The following MAP1A variants were observed in gnomAD, a reference collection of about 807,000 sequenced individuals.
MAP1A encodes microtubule-associated protein 1A.
In MAP1A, 42 loss-of-function variants were observed where a neutral mutation model predicts 185.9. The observed-to-expected ratio is 0.23, with a 90% CI of 0.18 to 0.29. The LOEUF (loss-of-function observed/expected upper bound fraction) is 0.29. Among genes scored for constraint, MAP1A ranks in the 10% least tolerant of loss-of-function variants. The pLI, the probability that MAP1A is intolerant of heterozygous loss-of-function variation, is 1.00. For synonymous variants in MAP1A, 1,229 were observed against 1,335.9 expected (o/e 0.92, Z 1.74); for missense variants, 2,995 against 3,450.4 (o/e 0.87, Z 3.31).
At chr15:43,518,282 C>G (rs1227074018) in intron 1 of MAP1A, among the ~76,000 whole-genome samples, 1 of 152,088 alleles carries the variant, frequency 6.6e-6, no homozygotes, top group African/African-American at 2.4e-5. Context: ...ACCCTATTCC[C>G]TGCGGCTAGC....
Position 43,530,051 on chromosome 15 carries a change from A to C in MAP1A, c.8257-18A>C. ...CCCTTTATGTTCTCACATCAGACAT[A>C]TCTTATCTCCCTTCTAGGTGACTCT... On this transcript the variant is annotated intron_variant, in intron 5 of 5. Transcript: ENST00000300231. 1 of 1,613,530 alleles carries C rather than the reference A, an allele frequency of 6.2e-7. No homozygotes were observed. The highest frequency in any genetic ancestry group is 8.5e-7 in the Non-Finnish European group (1 of 1,179,576).
chr15:43,518,711 C>A (rs556824429), intron 1 of MAP1A, among the ~76,000 whole-genome samples: 46 of 130,478 alleles, frequency 3.5e-4, no homozygotes, highest in African/African-American at 1.0e-3. Context: ...GCAGCCCACC[C>A]CCCCCCGCAA....
Position 43,529,170 on chromosome 15 carries a change from C to T in MAP1A, c.7697C>T (p.Pro2566Leu). ...CATGACCCACCTCCTCTCCCACAGC[C>T]AGACCCCCGCCCATCCCCTCCCCGC... ...PGHDPPPLPQ[P>L]DPRPSPPRPD... is the part of the protein sequence containing the mutation. Residue 2566 changes from proline (P) to leucine (L), a missense_variant, in exon 4 of 6, where the codon CCA (proline) becomes CTA (leucine). This residue lies in a region of MAP1A where 2,728 missense variants were observed against 2,986.0 expected (regional missense o/e 0.91). Coordinates refer to ENST00000300231, the MANE Select transcript of MAP1A (RefSeq NM_002373.6). The surrounding 1 kb of genome is among the most constrained non-coding windows in gnomAD (Gnocchi z 4.3). 4 of 1,612,818 alleles carry T rather than the reference C, an allele frequency of 2.5e-6. No individual in the cohort carries two copies. The highest frequency in any genetic ancestry group is 1.1e-5 in the South Asian group (1 of 91,010).
chr15:43,527,685 A>G lies in MAP1A; in HGVS notation c.6212A>G (p.Lys2071Arg). Residue 2071 changes from lysine (K) to arginine (R), a missense_variant, in exon 4 of 6, where the codon AAA becomes AGA. Physicochemically the swap from Lys to Arg is conservative, Grantham distance 26. Coordinates refer to ENST00000300231, the MANE Select transcript of MAP1A (RefSeq NM_002373.6). ...CCCCCCCGTGCTCCTATCCTGAGCA[A>G]AGGCCCAAGCCCCCCTCTTAATGGT... ...AVPPRAPILS[K>R]GPSPPLNGNI... 3 of 1,535,584 alleles carry G rather than the reference A, an allele frequency of 2.0e-6. No homozygotes were observed. Among genetic ancestry groups the G allele is most frequent in the Non-Finnish European group, 2.6e-6 (3 of 1,133,752 alleles).
chr15:43,521,929 C>T lies in MAP1A; in HGVS notation c.456C>T (p.Ala152=), dbSNP rs748623059. The T allele has an allele frequency of 7.4e-6, 12 of 1,614,056 alleles. No individual in the cohort carries two copies. The highest frequency in any genetic ancestry group is 1.7e-5 in the Admixed American group (1 of 60,000). ...KLRLPDASRK[A]KRSIEEACLT... is the part of the protein sequence containing the mutation. ...GGCTTCCTGATGCCTCCCGGAAAGC[C>T]AAGCGTAGCATTGAGGAGGCCTGCC... The change falls in exon 4 of 6, where the codon GCC becomes GCT. Residue 152 remains alanine (A), a synonymous_variant. Coordinates refer to ENST00000300231, the MANE Select transcript of MAP1A (RefSeq NM_002373.6). The surrounding 1 kb of genome is among the most constrained non-coding windows in gnomAD (Gnocchi z 4.6).
rs374833932 is a variant in MAP1A, at chr15:43,527,836, G to A, written c.6363G>A (p.Glu2121=). Reference sequence around the variant, plus strand: ...GGGCTCGGGAACAGCCAGAAAAAGAGGCCCAATCCCCAAGTCCTCCTCACC... The same window carrying A: ...GGGCTCGGGAACAGCCAGAAAAAGAAGCCCAATCCCCAAGTCCTCCTCACC... The part of the protein sequence containing the change: ...EKGAREQPEK[E]AQSPSPPHPI... Residue 2121 remains glutamate (E), a synonymous_variant, in exon 4 of 6, where the codon GAG becomes GAA. Coordinates refer to ENST00000300231, the MANE Select transcript of MAP1A (RefSeq NM_002373.6). 25 of 1,613,868 alleles carry A rather than the reference G, an allele frequency of 1.5e-5. No homozygotes were observed. The highest frequency in any genetic ancestry group is 2.1e-5 in the Non-Finnish European group (25 of 1,179,940).
rs867299864 is a variant in MAP1A at position 43,525,650 on chromosome 15, G to C, written c.4177G>C (p.Ala1393Pro). 9.3e-6 allele frequency: 15 copies of C among 1,614,138 alleles called. No individual in the cohort carries two copies. Among genetic ancestry groups the C allele is most frequent in the Middle Eastern group, 1.6e-4 (1 of 6,062 alleles). ...TACAGCCATCTATCAGAAAGATGAG[G>C]CTCTGCATGTAAAGAATGAGGCTGT... ...KDTAIYQKDE[A>P]LHVKNEAVKQ... is the part of the protein sequence containing the mutation. The change falls in exon 4 of 6, where the codon GCT (alanine) becomes CCT (proline). Residue 1393 changes from alanine to proline, a missense_variant. Physicochemically the swap from Ala to Pro is conservative, Grantham distance 27. Around this residue, in one of 3 missense-constraint regions of MAP1A, gnomAD observed 2,728 missense variants for 2,986.0 expected, o/e 0.91. Coordinates refer to ENST00000300231, the MANE Select transcript of MAP1A (RefSeq NM_002373.6).
At chr15:43,511,232 C>A in intron 1 of MAP1A, 1 of 1,547,692 alleles carries the variant, frequency 6.5e-7, no homozygotes. Context: ...ACAAGGTGAG[C>A]CACTGTTCTG....
chr15:43,530,347 T>C lies in MAP1A; in HGVS notation c.*123T>C. Reference sequence around the variant, plus strand: ...GGGAGGGGAGGGAGATGTCTTGTTGTGGGGACTTGGGCTGGGCTAAATGGG... The same window carrying C: ...GGGAGGGGAGGGAGATGTCTTGTTGCGGGGACTTGGGCTGGGCTAAATGGG... On this transcript the variant is annotated 3_prime_UTR_variant, in exon 6 of 6. Coordinates refer to ENST00000300231, the MANE Select transcript of MAP1A (RefSeq NM_002373.6). 7.8e-7 allele frequency: 1 copy of C among 1,279,722 alleles called. No individual in the cohort carries two copies. Among genetic ancestry groups the C allele is most frequent in the African/African-American group, 1.5e-5 (1 of 67,554 alleles). 79.3% of individuals were successfully genotyped at this position (1,279,722 alleles called of 1,614,324 possible). A position where few individuals can be genotyped will look rare whatever the true frequency, so the allele number is the denominator to read the frequency against.
chr15:43,521,572 C>T lies in MAP1A; in HGVS notation c.99C>T (p.Leu33=). Residue 33 remains leucine (L), a synonymous_variant, in exon 4 of 6, where the codon CTC becomes CTT. Coordinates refer to ENST00000300231, the MANE Select transcript of MAP1A (RefSeq NM_002373.6). This position sits in a 1 kb window ranked among gnomAD's most constrained non-coding sequence, Gnocchi z 4.6. Reference sequence around the variant, plus strand: ...AGCCCCCCACCTCAGGGGGCTTCCTCAAGCTCTCCAAGCCTTGTTGCTACA... The same window carrying T: ...AGCCCCCCACCTCAGGGGGCTTCCTTAAGCTCTCCAAGCCTTGTTGCTACA... ...LLEPPTSGGF[L]KLSKPCCYIF... is the part of the protein sequence containing the mutation. 6.2e-7 allele frequency: 1 copy of T among 1,614,138 alleles called. No homozygotes were observed. Among genetic ancestry groups the T allele is most frequent in the Non-Finnish European group, 8.5e-7 (1 of 1,179,996 alleles).
At position 43,530,660 on chromosome 15, in the gene MAP1A, G is replaced by A. The variant is rs2079368308; in HGVS notation, c.*436G>A. On this transcript the variant is annotated 3_prime_UTR_variant, in exon 6 of 6. Coordinates refer to ENST00000300231, the MANE Select transcript of MAP1A (RefSeq NM_002373.6). ...TTCCAATAGTAATTTATGTGACCTGGGGCAGGATACCGTCAGTGAGGTGCC... is the reference window on the plus strand; with the variant it reads ...TTCCAATAGTAATTTATGTGACCTGAGGCAGGATACCGTCAGTGAGGTGCC... 2 of 182,572 alleles carry A rather than the reference G, an allele frequency of 1.1e-5. No individual in the cohort carries two copies. The highest frequency in any genetic ancestry group is 2.3e-5 in the Non-Finnish European group (2 of 85,710). The allele number at this position is 182,572 out of a possible 1,614,324, so 11.3% of individuals were successfully genotyped here.
At chr15:43,511,178 A>G (rs1351804395) in exon 1 of MAP1A, 17 of 1,550,464 alleles carry the variant, frequency 1.1e-5, no homozygotes, top group East Asian at 9.8e-5. Context: ...GATCGGCGAT[A>G]TCGGTACAGA....
chr15:43,526,133 AAAT>A lies in MAP1A; in HGVS notation c.4662_4664del (p.Lys1554_Tyr1555delinsAsn). 1 of 1,614,058 alleles carries A rather than the reference AAAT, an allele frequency of 6.2e-7. No homozygotes were observed. On this transcript the variant is annotated inframe_deletion, in exon 4 of 6. Coordinates refer to ENST00000300231, the MANE Select transcript of MAP1A (RefSeq NM_002373.6). This position sits in a 1 kb window ranked among gnomAD's most constrained non-coding sequence, Gnocchi z 4.7. ...AAAGAAGGATCAGGCCTTAGAACAA[AAAT>A]ACTGGGCTTTGGGACAGAAGGATGA...
rs190928447 is a variant in MAP1A, at chr15:43,511,744, G to A, written c.239-446G>A. Among the ~76,000 whole-genome samples the A allele has an allele frequency of 8.7e-4, 133 of 152,314 alleles. 2 individuals are homozygous for A. In the East Asian group the frequency reaches 0.016, roughly 18 times the overall value. Reference sequence around the variant, plus strand: ...GCTGTGCCTGTGGCTGTGGTGCAGTGCTGCGGAGCCACCTGCGGGTGGAAG... The same window carrying A: ...GCTGTGCCTGTGGCTGTGGTGCAGTACTGCGGAGCCACCTGCGGGTGGAAG... On this transcript the variant is annotated intron_variant, in intron 1 of 6. Transcript: ENST00000382031.
Position 43,525,728 on chromosome 15 carries a change from G to A in MAP1A, c.4255G>A (p.Asp1419Asn). 6.2e-7 allele frequency: 1 copy of A among 1,614,170 alleles called. No individual in the cohort carries two copies. Among genetic ancestry groups the A allele is most frequent in the Non-Finnish European group, 8.5e-7 (1 of 1,180,042 alleles). The change falls in exon 4 of 6, where the codon GAC becomes AAC. Residue 1419 changes from aspartate to asparagine, a missense_variant. Physicochemically the swap from Asp to Asn is conservative, Grantham distance 23 (BLOSUM62 1). This residue lies in a region of MAP1A where 2,728 missense variants were observed against 2,986.0 expected (regional missense o/e 0.91). Coordinates refer to ENST00000300231, the MANE Select transcript of MAP1A (RefSeq NM_002373.6). ...EQKGRDLEQK[D>N]TALEQKDKAL... ...AAAGGGCAGAGACTTAGAGCAAAAA[G>A]ACACAGCCCTAGAACAGAAGGACAA... is the stretch of plus-strand genomic sequence containing the variant.
In MAP1A at chr15:43,530,470, A is replaced by G. The variant is rs2079367436; in HGVS notation, c.*246A>G. The G allele has an allele frequency of 9.6e-6, 5 of 520,324 alleles. No individual in the cohort carries two copies. The highest frequency in any genetic ancestry group is 1.7e-5 in the Non-Finnish European group (5 of 289,776). 32.2% of individuals were successfully genotyped at this position (520,324 alleles called of 1,614,324 possible). ...AGGGGACAAATTAGAATAGGATAGC[A>G]TCTGATGCCTGAGAACCCTCTCCTA... On this transcript the variant is annotated 3_prime_UTR_variant, in exon 6 of 6. Transcript: ENST00000300231.
Position 43,526,117 on chromosome 15 carries a change from T to C in MAP1A, c.4644T>C (p.Asp1548=), listed in dbSNP as rs766568115. 1.3e-5 allele frequency: 21 copies of C among 1,613,810 alleles called. No homozygotes were observed. The highest frequency in any genetic ancestry group is 1.7e-5 in the Non-Finnish European group (20 of 1,180,008). ...EQKDKVSEKK[D]QALEQKYWAL... ...AGGATAAAGTCTCAGAAAAGAAGGA[T>C]CAGGCCTTAGAACAAAAATACTGGG... is the stretch of plus-strand genomic sequence containing the variant. Residue 1548 remains aspartate (D), a synonymous_variant, in exon 4 of 6, where the codon GAT becomes GAC. Coordinates refer to ENST00000300231, the MANE Select transcript of MAP1A (RefSeq NM_002373.6). The surrounding 1 kb of genome is among the most constrained non-coding windows in gnomAD (Gnocchi z 4.7).
chr15:43,514,020 G>A (rs1254330455), upstream of MAP1A, among the ~76,000 whole-genome samples: 1 of 152,180 alleles, frequency 6.6e-6, no homozygotes, highest in Non-Finnish European at 1.5e-5. Flanking sequence ...TTAAACCAAA[G>A]TACTTAGCCA....
chr15:43,529,579 T>C lies in MAP1A; in HGVS notation c.8035+71T>C. On this transcript the variant is annotated intron_variant, in intron 4 of 5. Transcript: ENST00000300231. This position sits in a 1 kb window ranked among gnomAD's most constrained non-coding sequence, Gnocchi z 4.3. Reference sequence around the variant, plus strand: ...GTGTGGGCTGGTCAGACTTCAGGAGTGGGACAGAGGGGAAGGTTGCCAAAA... The same window carrying C: ...GTGTGGGCTGGTCAGACTTCAGGAGCGGGACAGAGGGGAAGGTTGCCAAAA... 6.2e-7 allele frequency: 1 copy of C among 1,603,732 alleles called. No individual in the cohort carries two copies. Among genetic ancestry groups the C allele is most frequent in the Non-Finnish European group, 8.5e-7 (1 of 1,171,756 alleles).
Sources: gnomAD v4.1 joint callset for allele counts (sites outside exome capture counted in the v4.1 genomes callset) on GRCh38, gnomAD v4.1.1 for gene constraint, gnomAD v4.1.1 regional missense constraint, Gnocchi (gnomAD v3.1) non-coding constraint, MANE v1.5 for transcripts, NCBI Gene and HGNC (gene_info 2026-07-23, HGNC 2026-07-21) for gene names.